SLIT2: variants seen among roughly 807,000 people sequenced by gnomAD.
SLIT2 encodes the protein slit guidance ligand 2.
Under a neutral mutation model 185.7 loss-of-function variants are expected in SLIT2, and 41 were observed. The ratio of observed to expected loss-of-function variants is 0.22; its 90% confidence interval spans 0.17 to 0.29. The LOEUF (loss-of-function observed/expected upper bound fraction) is 0.29, where lower values mean the gene tolerates loss of function less well. Ranked by LOEUF, SLIT2 falls within the 10% of genes least tolerant of loss-of-function variation. The probability of loss-of-function intolerance (pLI) is 1.00; values close to 1 mark genes in which losing one functional copy is unlikely to be tolerated. For missense variants in SLIT2, 1,571 were observed against 1,909.0 expected (o/e 0.82, Z 3.30); for synonymous variants, 693 against 680.2 (o/e 1.02, Z -0.29).
At chr4:20,596,062 A>T (rs1727954847) in intron 31 of SLIT2, among the ~76,000 whole-genome samples, 1 of 152,200 alleles carries the variant, frequency 6.6e-6, no homozygotes, top group Admixed American at 6.5e-5. Context: ...CCATAAATAT[A>T]TACACTTACT....
At chr4:20,306,861 T>C (rs1341823593) in intron 4 of SLIT2, among the ~76,000 whole-genome samples, 1 of 152,168 alleles carries the variant, frequency 6.6e-6, no homozygotes, top group Non-Finnish European at 1.5e-5. Context: ...CTTGCTTGCA[T>C]TCTCCATAGC....
intron 4 of SLIT2, among the ~76,000 whole-genome samples, chr4:20,379,803 C>G (rs1724343477): frequency 6.6e-6 from 1 of 152,124 alleles, no homozygotes; most frequent in Non-Finnish European, 1.5e-5. Context: ...CGCGACTCCC[C>G]AAGCTTACTA....
At chr4:20,488,113 C>A (rs1560468296) in intron 7 of SLIT2, among the ~76,000 whole-genome samples, 2 of 152,178 alleles carry the variant, frequency 1.3e-5, no homozygotes, top group East Asian at 1.9e-4. Flanking sequence ...CTATTTGCCA[C>A]TTGGAAGCAA....
chr4:20,518,551 C>CTATATG (rs1720473534), intron 11 of SLIT2, among the ~76,000 whole-genome samples: 3 of 36,602 alleles, frequency 8.2e-5, no homozygotes, highest in African/African-American at 1.7e-4. Context: ...TGTGCCCAGC[C>CTATATG]TATATGTATA....
intron 4 of SLIT2, among the ~76,000 whole-genome samples, chr4:20,435,683 T>C (rs1390257800): frequency 2.0e-5 from 3 of 152,166 alleles, no homozygotes; most frequent in African/African-American, 7.2e-5. Flanking sequence ...TCTTAAGAAA[T>C]TTTCCTAGAA....
intron 4 of SLIT2, among the ~76,000 whole-genome samples, chr4:20,397,715 A>C (rs1475039499): frequency 6.6e-6 from 1 of 151,854 alleles, no homozygotes; most frequent in Non-Finnish European, 1.5e-5. Context: ...TTTTAAATTG[A>C]GACTATTTTT....
intron 9 of SLIT2, among the ~76,000 whole-genome samples, chr4:20,496,377 A>G (rs186630786): frequency 6.6e-6 from 1 of 152,198 alleles, no homozygotes; most frequent in South Asian, 2.1e-4. Context: ...AATACTTGCA[A>G]TGTTGGATTG....
chr4:20,282,206 AG>A (rs1187028630), intron 4 of SLIT2, among the ~76,000 whole-genome samples: 4 of 152,234 alleles, frequency 2.6e-5, no homozygotes, highest in Non-Finnish European at 4.4e-5. Context: ...TAATTTAAAA[AG>A]AGAAAAGTGG....
In SLIT2 at chr4:20,620,367, T is replaced by G. The variant is rs1280924519; in HGVS notation, c.*1358T>G. ...TTACAATGTAGAATTGATAATGGTT[T>G]ATAGTGAACTGTGCTCTTCCCTCAT... On this transcript the variant is annotated 3_prime_UTR_variant, in exon 37 of 37. Coordinates refer to ENST00000504154, the MANE Select transcript of SLIT2 (RefSeq NM_004787.4). 2 of 449,834 alleles carry G rather than the reference T, an allele frequency of 4.4e-6. No individual in the cohort carries two copies. Among genetic ancestry groups the G allele is most frequent in the Admixed American group, 4.9e-5 (2 of 40,724 alleles). 27.9% of individuals were successfully genotyped at this position (449,834 alleles called of 1,614,324 possible).
chr4:20,585,254 T>C (rs971137044), intron 29 of SLIT2, among the ~76,000 whole-genome samples: 4 of 152,234 alleles, frequency 2.6e-5, no homozygotes, highest in African/African-American at 9.6e-5. Flanking sequence ...GACCCCTTGA[T>C]GGACCACTCT....
chr4:20,356,817 A>C (rs1281440997), intron 4 of SLIT2, among the ~76,000 whole-genome samples: 1 of 152,120 alleles, frequency 6.6e-6, no homozygotes. Context: ...CTCTCCGGCC[A>C]CTTTCCATAC....
At chr4:20,384,134 A>G (rs1488395990) in intron 4 of SLIT2, among the ~76,000 whole-genome samples, 1 of 152,040 alleles carries the variant, frequency 6.6e-6, no homozygotes, top group African/African-American at 2.4e-5. Context: ...CCAGAAAAGA[A>G]CTCAATTGTT....
intron 4 of SLIT2, among the ~76,000 whole-genome samples, chr4:20,460,528 G>T (rs1713587008): frequency 6.6e-6 from 1 of 152,034 alleles, no homozygotes; most frequent in Non-Finnish European, 1.5e-5. Flanking sequence ...ATGATATATT[G>T]TCATTAACTA....
chr4:20,480,433 A>G (rs935446665), intron 5 of SLIT2, among the ~76,000 whole-genome samples: 2 of 152,144 alleles, frequency 1.3e-5, no homozygotes, highest in Non-Finnish European at 2.9e-5. Flanking sequence ...GCTTTTCTTG[A>G]TCTAATGAAA....
At chr4:20,272,637 T>C (rs910494212) in intron 4 of SLIT2, among the ~76,000 whole-genome samples, 2 of 152,118 alleles carry the variant, frequency 1.3e-5, no homozygotes, top group East Asian at 3.9e-4. Context: ...AAATATTTGT[T>C]TTGTGGTTTT....
At chr4:20,474,657 G>A (rs907566557) in intron 5 of SLIT2, among the ~76,000 whole-genome samples, 9 of 151,882 alleles carry the variant, frequency 5.9e-5, no homozygotes, top group African/African-American at 1.9e-4. Flanking sequence ...GATACAGAAT[G>A]GACCTTTGAT....
intron 4 of SLIT2, among the ~76,000 whole-genome samples, chr4:20,329,801 G>A (rs771637178): frequency 6.6e-6 from 1 of 151,902 alleles, no homozygotes; most frequent in Non-Finnish European, 1.5e-5. Flanking sequence ...ATTTGCTGAG[G>A]AATAATATGC....
At chr4:20,510,360 A>T in intron 9 of SLIT2, 135 bp from the exon 10 acceptor site, 1 of 675,242 alleles carries the variant, frequency 1.5e-6, no homozygotes, top group Non-Finnish European at 2.6e-6. Flanking sequence ...TAAATTTAGT[A>T]CTTATTTTTC....
chr4:20,546,523 T>C (rs964331252), intron 22 of SLIT2, among the ~76,000 whole-genome samples: 2 of 152,174 alleles, frequency 1.3e-5, no homozygotes, highest in Admixed American at 6.6e-5. Flanking sequence ...ATTATGTTTG[T>C]TTCTTATACA....
Sources: allele counts gnomAD v4.1 joint callset (sites outside exome capture counted in the v4.1 genomes callset), GRCh38; gene constraint gnomAD v4.1.1; transcripts MANE v1.5; gene names NCBI Gene and HGNC (gene_info 2026-07-23, HGNC 2026-07-21).